Variants in ZEB1 observed in about 807,000 individuals in gnomAD.
ZEB1 encodes the protein zinc finger E-box-binding homeobox 1.
A neutral mutation model predicts 84.9 loss-of-function variants in ZEB1; 21 were observed. The ratio of observed to expected loss-of-function variants is 0.25; its 90% confidence interval spans 0.18 to 0.36. The LOEUF (loss-of-function observed/expected upper bound fraction) is 0.36, where lower values mean the gene tolerates loss of function less well. ZEB1 is among the 10% of genes least tolerant of loss of function. ZEB1 has a pLI of 1.00. For missense variants in ZEB1, 1,104 were observed against 1,330.2 expected, an observed-to-expected ratio of 0.83 and a Z score of 2.65; for synonymous variants, 420 against 471.1, an observed-to-expected ratio of 0.89 and a Z score of 1.41.
intron 1 of ZEB1, among the ~76,000 whole-genome samples, chr10:31,355,638 C>A (rs2041997492): frequency 6.6e-6 from 1 of 152,040 alleles, no homozygotes; most frequent in African/African-American, 2.4e-5. Context: ...GAAGAATCAG[C>A]ATGAGTTAGC....
chr10:31,460,046 G>A (rs1285738808), intron 1 of ZEB1, among the ~76,000 whole-genome samples: 2 of 151,708 alleles, frequency 1.3e-5, no homozygotes, highest in African/African-American at 4.8e-5. Context: ...TCTTTTCTTA[G>A]CAAATAAGAA....
At chr10:31,402,340 A>G (rs777668708) in intron 1 of ZEB1, among the ~76,000 whole-genome samples, 7 of 152,150 alleles carry the variant, frequency 4.6e-5, no homozygotes, top group Non-Finnish European at 8.8e-5. Context: ...AGATTACTCC[A>G]AAGTATTATC....
intron 1 of ZEB1, chr10:31,321,777 G>T: frequency 1.8e-6 from 1 of 552,090 alleles, no homozygotes; most frequent in Non-Finnish European, 3.2e-6. Flanking sequence ...GGGGGGAAAA[G>T]CGATCCTGAA....
At chr10:31,372,612 AC>A (rs918937180) in intron 1 of ZEB1, among the ~76,000 whole-genome samples, 3 of 152,078 alleles carry the variant, frequency 2.0e-5, no homozygotes, top group African/African-American at 7.2e-5. Context: ...TGTGGTATGT[AC>A]TATTACAAGT....
rs562920500 is a variant in ZEB1, at chr10:31,441,663, C to T, written c.59-19374C>T. Among the ~76,000 whole-genome samples, 82 of 152,210 alleles carry T rather than the reference C, an allele frequency of 5.4e-4. 3 individuals are homozygous for T. In the South Asian group the frequency reaches 0.017, roughly 31 times the overall value. On this transcript the variant is annotated intron_variant, in intron 1 of 8. Transcript: ENST00000424869. ...AAATTTTTGCAATCTACACATTTGA[C>T]AAAGGGCTAATATCCAGAATCTACA...
intron 1 of ZEB1, among the ~76,000 whole-genome samples, chr10:31,355,998 G>A (rs910209197): frequency 6.6e-6 from 1 of 152,086 alleles, no homozygotes; most frequent in African/African-American, 2.4e-5. Flanking sequence ...CAGTGGAGCT[G>A]GAGAGAAGGG....
intron 1 of ZEB1, chr10:31,361,199 A>G (rs2043006019): frequency 2.5e-6 from 4 of 1,611,588 alleles, no homozygotes; most frequent in South Asian, 1.1e-5. Flanking sequence ...GCTCTCAACT[A>G]CAACATCGTT....
intron 2 of ZEB1, among the ~76,000 whole-genome samples, chr10:31,485,830 A>G (rs2138641924): frequency 6.6e-6 from 1 of 151,928 alleles, no homozygotes; most frequent in Admixed American, 6.6e-5. Flanking sequence ...AACCATGACG[A>G]TCAGGGCACA....
chr10:31,386,513 C>G (rs1172292667), intron 1 of ZEB1, among the ~76,000 whole-genome samples: 1 of 151,860 alleles, frequency 6.6e-6, no homozygotes, highest in Non-Finnish European at 1.5e-5. Context: ...TTTTAAAATG[C>G]TTTCTATGTA....
intron 8 of ZEB1, 125 bp downstream of exon 8, chr10:31,524,238 C>G: frequency 9.4e-7 from 1 of 1,063,622 alleles, no homozygotes; most frequent in South Asian, 1.6e-5. Context: ...GAGACAAGGT[C>G]TGGCTCTAGT....
At chr10:31,523,493 G>A (rs1044001250) in intron 7 of ZEB1, among the ~76,000 whole-genome samples, 15 of 152,184 alleles carry the variant, frequency 9.9e-5, no homozygotes, top group Admixed American at 3.9e-4. Context: ...TTTGCTTAGT[G>A]AAACCCAGAA....
intron 2 of ZEB1, among the ~76,000 whole-genome samples, chr10:31,481,869 C>T (rs561537239): frequency 6.6e-6 from 1 of 151,998 alleles, no homozygotes; most frequent in African/African-American, 2.4e-5. Context: ...GACAGGTCTT[C>T]CTTACAGTAG....
chr10:31,403,417 T>C (rs1188662146), intron 1 of ZEB1, among the ~76,000 whole-genome samples: 1 of 151,984 alleles, frequency 6.6e-6, no homozygotes, highest in Non-Finnish European at 1.5e-5. Context: ...AATCAGAATC[T>C]CGTGTGCATG....
At chr10:31,385,488 C>G (rs373809139) in intron 1 of ZEB1, among the ~76,000 whole-genome samples, 66 of 151,674 alleles carry the variant, frequency 4.4e-4, no homozygotes, top group African/African-American at 1.6e-3. Flanking sequence ...TTCAGCATTT[C>G]TTCATTTTGT....
intron 1 of ZEB1, among the ~76,000 whole-genome samples, chr10:31,393,885 T>A (rs929318489): frequency 6.6e-6 from 1 of 152,312 alleles, no homozygotes; most frequent in South Asian, 2.1e-4. Flanking sequence ...CTTAGCAATC[T>A]CATCATTTAT....
At chr10:31,387,388 G>A (rs1051829416) in intron 1 of ZEB1, 2 of 770,958 alleles carry the variant, frequency 2.6e-6, no homozygotes, top group Non-Finnish European at 3.2e-6. Context: ...GGCCCTACCT[G>A]TGGGTAGGAC....
At chr10:31,443,708 C>T in intron 1 of ZEB1, among the ~76,000 whole-genome samples, 1 of 150,364 alleles carries the variant, frequency 6.7e-6, no homozygotes. Context: ...TGATGATTTC[C>T]AATTTCATCC....
chr10:31,340,684 A>G lies in ZEB1; in HGVS notation c.58+21392A>G, dbSNP rs74414820. Among the ~76,000 whole-genome samples, 983 of 152,320 alleles carry G rather than the reference A, an allele frequency of 6.5e-3. 14 individuals carry two copies. Among genetic ancestry groups the G allele is most frequent in the African/African-American group, 0.022 (928 of 41,566 alleles). On this transcript the variant is annotated intron_variant, in intron 1 of 8. Transcript: ENST00000424869. ...GAGTTCACAGTCAAATGAAGGATAC[A>G]GTCACAAAACAGACACTTGTATAAA... is the stretch of plus-strand genomic sequence containing the variant.
chr10:31,407,214 T>G (rs2053268189), intron 1 of ZEB1, among the ~76,000 whole-genome samples: 1 of 150,078 alleles, frequency 6.7e-6, no homozygotes, highest in Non-Finnish European at 1.5e-5. Flanking sequence ...CATCTAGCAT[T>G]AGGTATATCT....
Sources: allele counts gnomAD v4.1 joint callset (sites outside exome capture counted in the v4.1 genomes callset), GRCh38; gene constraint gnomAD v4.1.1; transcripts MANE v1.5; gene names NCBI Gene and HGNC (gene_info 2026-07-23, HGNC 2026-07-21).